XPNPEP3: variants seen among roughly 807,000 people sequenced by gnomAD.
The protein encoded by XPNPEP3 is xaa-Pro aminopeptidase 3.
XPNPEP3 carries 41 observed loss-of-function variants against 60.0 expected under a neutral mutation model. That is an observed-to-expected ratio of 0.68 (90% CI 0.53 to 0.89). The LOEUF is 0.89. Among genes scored for constraint, XPNPEP3 ranks in the 40% least tolerant of loss-of-function variants. The pLI, the probability that XPNPEP3 is intolerant of heterozygous loss-of-function variation, is 0.00. For missense variants in XPNPEP3, 598 were observed against 638.9 expected (o/e 0.94, Z 0.69); for synonymous variants, 212 against 223.2 (o/e 0.95, Z 0.45).
At chr22:40,861,225 A>G (rs140363091) in intron 1 of XPNPEP3, 1 of 1,614,036 alleles carries the variant, frequency 6.2e-7, no homozygotes, top group Non-Finnish European at 8.5e-7. Context: ...ATATTGAGAT[A>G]CATGTTTGGA....
chr22:40,867,936 CAAA>C (rs538562861), intron 1 of XPNPEP3, among the ~76,000 whole-genome samples: 1 of 73,334 alleles, frequency 1.4e-5, no homozygotes, highest in South Asian at 4.7e-4. Context: ...AGACCTGTCT[CAAA>C]AAAAAAAAAA....
chr22:40,866,523 A>G (rs528173953), intron 1 of XPNPEP3, among the ~76,000 whole-genome samples: 2 of 152,308 alleles, frequency 1.3e-5, no homozygotes, highest in East Asian at 1.9e-4. Flanking sequence ...AAATGCTATT[A>G]TGATGCAGAA....
At chr22:40,866,565 T>C (rs1291392655) in intron 1 of XPNPEP3, among the ~76,000 whole-genome samples, 1 of 152,186 alleles carries the variant, frequency 6.6e-6, no homozygotes, top group Non-Finnish European at 1.5e-5. Flanking sequence ...AGTAGCTTAG[T>C]GTGGCTGCAA....
At chr22:40,859,090 C>T (rs548530544) in intron 1 of XPNPEP3, among the ~76,000 whole-genome samples, 1 of 152,198 alleles carries the variant, frequency 6.6e-6, no homozygotes, top group South Asian at 2.1e-4. Context: ...ATGTGTTCCG[C>T]AGTAATTTGC....
At chr22:40,919,602 C>T (rs146470544) in intron 7 of XPNPEP3, among the ~76,000 whole-genome samples, 75 of 152,268 alleles carry the variant, frequency 4.9e-4, no homozygotes, top group East Asian at 1.5e-3. Context: ...TGGGCTCAAA[C>T]GATTCTCTTG....
intron 4 of XPNPEP3, among the ~76,000 whole-genome samples, chr22:40,905,558 C>T (rs1428481877): frequency 6.6e-6 from 1 of 152,032 alleles, no homozygotes; most frequent in African/African-American, 2.4e-5. Flanking sequence ...ATGAAGTCAT[C>T]TGGAATTAAA....
At chr22:40,861,543 G>A (rs2057947136) in intron 1 of XPNPEP3, 1 of 1,613,248 alleles carries the variant, frequency 6.2e-7, no homozygotes, top group African/African-American at 1.3e-5. Context: ...ATCATATGAA[G>A]AAAATTTCTC....
chr22:40,877,944 C>A (rs1302691551), intron 2 of XPNPEP3, among the ~76,000 whole-genome samples: 1 of 152,042 alleles, frequency 6.6e-6, no homozygotes, highest in South Asian at 2.1e-4. Context: ...CAGTGGCTCA[C>A]GCCTGTAATC....
chr22:40,908,853 A>G (rs2058166074), intron 5 of XPNPEP3, among the ~76,000 whole-genome samples: 1 of 152,212 alleles, frequency 6.6e-6, no homozygotes, highest in Non-Finnish European at 1.5e-5. Context: ...GAGAACACTA[A>G]AGAAAAAAGA....
At chr22:40,890,643 G>A (rs921954848) in intron 4 of XPNPEP3, among the ~76,000 whole-genome samples, 1 of 151,888 alleles carries the variant, frequency 6.6e-6, no homozygotes. Flanking sequence ...AAGGTGGGCA[G>A]ATCACTTGAG....
intron 2 of XPNPEP3, among the ~76,000 whole-genome samples, chr22:40,873,686 CT>C (rs2058016834): frequency 6.6e-6 from 1 of 152,010 alleles, no homozygotes; most frequent in African/African-American, 2.4e-5. Flanking sequence ...AATCCCAGCA[CT>C]TTGGGAAGCT....
chr22:40,888,816 C>T (rs535922890), intron 4 of XPNPEP3, among the ~76,000 whole-genome samples: 1 of 152,240 alleles, frequency 6.6e-6, no homozygotes, highest in African/African-American at 2.4e-5. Context: ...AGTGGCTGCA[C>T]CGTTTCACAT....
chr22:40,874,157 AAAAT>A (rs1281604909), intron 2 of XPNPEP3, among the ~76,000 whole-genome samples: 2 of 152,174 alleles, frequency 1.3e-5, no homozygotes, highest in African/African-American at 4.8e-5. Context: ...AGAAAAATAA[AAAAT>A]AAATAAAATG....
At chr22:40,918,999 C>T (rs1209507080) in intron 7 of XPNPEP3, among the ~76,000 whole-genome samples, 2 of 151,674 alleles carry the variant, frequency 1.3e-5, no homozygotes, top group African/African-American at 2.4e-5. Flanking sequence ...GATGCCACCC[C>T]GCCTGGCTAA....
At chr22:40,870,621 A>C (rs1344917398) in intron 2 of XPNPEP3, among the ~76,000 whole-genome samples, 1 of 152,182 alleles carries the variant, frequency 6.6e-6, no homozygotes, top group East Asian at 1.9e-4. Context: ...TTCTGCAGAC[A>C]AAAGTATCAA....
At position 40,931,567 on chromosome 22, in the gene XPNPEP3, A is replaced by G. The variant is rs1430561955; in HGVS notation, c.*5132A>G. ...TGTCTCAACAAAAAAATTTAAAGTT[A>G]GCCAGGTGTGGTGGTTTGCACCTAT... On this transcript the variant is annotated 3_prime_UTR_variant, in exon 10 of 10. Coordinates refer to ENST00000357137, the MANE Select transcript of XPNPEP3 (RefSeq NM_022098.4). The G allele has an allele frequency of 6.6e-6, 1 of 152,220 alleles. No homozygotes were observed. The highest frequency in any genetic ancestry group is 1.9e-4 in the East Asian group (1 of 5,192). 9.4% of individuals were successfully genotyped at this position (152,220 alleles called of 1,614,324 possible).
chr22:40,916,027 T>G (rs1239490755), intron 7 of XPNPEP3, among the ~76,000 whole-genome samples: 1 of 152,156 alleles, frequency 6.6e-6, no homozygotes, highest in Non-Finnish European at 1.5e-5. Flanking sequence ...GTGCAGTGGC[T>G]CATGCCTGTA....
intron 4 of XPNPEP3, among the ~76,000 whole-genome samples, chr22:40,899,147 C>T (rs2058121258): frequency 6.6e-6 from 1 of 152,068 alleles, no homozygotes; most frequent in Non-Finnish European, 1.5e-5. Flanking sequence ...CCCTTATGTC[C>T]ATGGTTTTTT....
intron 4 of XPNPEP3, among the ~76,000 whole-genome samples, chr22:40,889,071 G>A (rs1172683656): frequency 6.6e-6 from 1 of 151,402 alleles, no homozygotes. Context: ...TCTCGCTATT[G>A]CTCAGGTTGG....
Sources: gnomAD v4.1 joint callset for allele counts (sites outside exome capture counted in the v4.1 genomes callset) on GRCh38, gnomAD v4.1.1 for gene constraint, MANE v1.5 for transcripts, NCBI Gene and HGNC (gene_info 2026-07-23, HGNC 2026-07-21) for gene names.